Variants in ITPR1 observed in about 807,000 individuals in gnomAD.
ITPR1 encodes inositol 1,4,5-trisphosphate-gated calcium channel ITPR1.
A neutral mutation model predicts 318.4 loss-of-function variants in ITPR1; 96 were observed. The ratio of observed to expected loss-of-function variants is 0.30; its 90% CI spans 0.26 to 0.36. ITPR1 has a LOEUF of 0.36. Among genes scored for constraint, ITPR1 ranks in the 10% least tolerant of loss-of-function variants. The pLI, the probability that ITPR1 is intolerant of heterozygous loss-of-function variation, is 1.00. For synonymous variants in ITPR1, 1,312 were observed against 1,289.9 expected, an observed-to-expected ratio of 1.02 and a Z score of -0.37; for missense variants, 2,440 against 3,460.2, an observed-to-expected ratio of 0.71 and a Z score of 7.40.
At chr3:4,564,826 T>A (rs1422479012) in intron 4 of ITPR1, among the ~76,000 whole-genome samples, 1 of 152,120 alleles carries the variant, frequency 6.6e-6, no homozygotes, top group Non-Finnish European at 1.5e-5. Context: ...CGACTGAGGG[T>A]TAGGACTTCA....
chr3:4,625,595 CG>C (rs2092797699), intron 4 of ITPR1, among the ~76,000 whole-genome samples: 1 of 150,310 alleles, frequency 6.7e-6, no homozygotes, highest in Non-Finnish European at 1.5e-5. Context: ...CTGGCTCTGT[CG>C]CCCAGGCTGG....
intron 5 of ITPR1, among the ~76,000 whole-genome samples, chr3:4,633,527 A>T (rs983366469): frequency 6.6e-6 from 1 of 152,216 alleles, no homozygotes; most frequent in African/African-American, 2.4e-5. Context: ...AGACCACTTG[A>T]CTTCCTTTTG....
intron 4 of ITPR1, among the ~76,000 whole-genome samples, chr3:4,626,145 C>G (rs2092819910): frequency 6.6e-6 from 1 of 151,592 alleles, no homozygotes; most frequent in Non-Finnish European, 1.5e-5. Context: ...AAGTCCCTAT[C>G]TCTTTAAAAA....
intron 4 of ITPR1, among the ~76,000 whole-genome samples, chr3:4,594,232 A>G (rs1051922554): frequency 8.5e-5 from 13 of 152,314 alleles, no homozygotes; most frequent in African/African-American, 3.1e-4. Flanking sequence ...TCAGGATAAT[A>G]GGAGGCATGA....
Position 4,779,595 on chromosome 3 carries a change from G to T in ITPR1, c.6337G>T (p.Asp2113Tyr). The T allele has an allele frequency of 6.2e-7, 1 of 1,612,674 alleles. No individual in the cohort carries two copies. The highest frequency in any genetic ancestry group is 1.1e-5 in the South Asian group (1 of 91,032). The change falls in exon 49 of 62, where the codon GAC becomes TAC. Residue 2113 changes from aspartate (D) to tyrosine (Y), a missense_variant. Asp to Tyr is a radical substitution (Grantham distance 160). Transcript: ENST00000649015. The surrounding 1 kb of genome is among the most constrained non-coding windows in gnomAD (Gnocchi z 4.0). ...LLLAIMESRH[D>Y]SENAERILYN... ...CCTGGCCATCATGGAAAGCAGGCAC[G>T]ACAGTGAAAACGCAGAGAGGATACT...
At chr3:4,686,682 C>G (rs1035737697) in intron 30 of ITPR1, among the ~76,000 whole-genome samples, 2 of 152,190 alleles carry the variant, frequency 1.3e-5, no homozygotes, top group African/African-American at 4.8e-5. Flanking sequence ...CACAGACTTC[C>G]AAAGAACGGT....
intron 4 of ITPR1, among the ~76,000 whole-genome samples, chr3:4,537,864 T>G (rs2084029646): frequency 6.6e-6 from 1 of 152,260 alleles, no homozygotes; most frequent in Non-Finnish European, 1.5e-5. Flanking sequence ...ATAGCATTGG[T>G]AAGAATACAG....
At chr3:4,597,992 G>C (rs1559510121) in intron 4 of ITPR1, among the ~76,000 whole-genome samples, 1 of 152,222 alleles carries the variant, frequency 6.6e-6, no homozygotes, top group Admixed American at 6.5e-5. Flanking sequence ...CCATCCTTCA[G>C]CTTTCCTGCG....
rs1178310675 is a variant in ITPR1 at position 4,779,781 on chromosome 3, G to A, written c.6387+136G>A. 1 of 541,506 alleles carries A rather than the reference G, an allele frequency of 1.8e-6. No individual in the cohort carries two copies. Among genetic ancestry groups the A allele is most frequent in the Non-Finnish European group, 3.4e-6 (1 of 298,016 alleles). The allele number at this position is 541,506 out of a possible 1,614,324, so 33.5% of individuals were successfully genotyped here. A position where few individuals can be genotyped will look rare whatever the true frequency, so the allele number is the denominator to read the frequency against. On this transcript the variant is annotated intron_variant, in intron 49 of 61. Coordinates refer to ENST00000649015, the MANE Select transcript of ITPR1 (RefSeq NM_001378452.1). This position sits in a 1 kb window ranked among gnomAD's most constrained non-coding sequence, Gnocchi z 4.0. ...AGTATAAAGGGAACATTGAATTCAG[G>A]CCTCTGACTGAGTAGAGAAGTGAAA...
intron 44 of ITPR1, among the ~76,000 whole-genome samples, chr3:4,736,527 C>T (rs1252822612): frequency 2.6e-5 from 4 of 152,370 alleles, no homozygotes; most frequent in African/African-American, 9.6e-5. Context: ...CCGCTTCCCC[C>T]AACGTACACT....
chr3:4,832,621 C>T (rs1339010066), intron 60 of ITPR1, among the ~76,000 whole-genome samples: 3 of 152,078 alleles, frequency 2.0e-5, no homozygotes, highest in Admixed American at 2.0e-4. Flanking sequence ...GGTGACACAC[C>T]AAGACTCCGT....
At chr3:4,744,066 C>T (rs1374120671) in intron 44 of ITPR1, among the ~76,000 whole-genome samples, 5 of 152,122 alleles carry the variant, frequency 3.3e-5, no homozygotes, top group Admixed American at 1.3e-4. Context: ...GAGCTCCAGA[C>T]GTCAAGTGAT....
chr3:4,547,431 G>A (rs2085129735), intron 4 of ITPR1, among the ~76,000 whole-genome samples: 1 of 152,078 alleles, frequency 6.6e-6, no homozygotes, highest in Admixed American at 6.5e-5. Context: ...ACTGCTCCTG[G>A]GCCTCCTACT....
At chr3:4,821,907 C>A (rs2049746049) in intron 60 of ITPR1, among the ~76,000 whole-genome samples, 2 of 152,186 alleles carry the variant, frequency 1.3e-5, no homozygotes, top group African/African-American at 4.8e-5. Flanking sequence ...CATAATAGAT[C>A]ATATATTTCC....
At chr3:4,567,115 T>C (rs1575557133) in intron 4 of ITPR1, among the ~76,000 whole-genome samples, 1 of 152,314 alleles carries the variant, frequency 6.6e-6, no homozygotes, top group East Asian at 1.9e-4. Flanking sequence ...GTTGTGAGAG[T>C]TAAACAAGTT....
chr3:4,811,597 A>G (rs1559938348), intron 56 of ITPR1, 137 bp downstream of exon 56: 4 of 657,706 alleles, frequency 6.1e-6, no homozygotes, highest in Non-Finnish European at 1.0e-5. Context: ...GTGAATTTCA[A>G]ATACAGGTCT....
chr3:4,589,957 C>T (rs1213143334), intron 4 of ITPR1, among the ~76,000 whole-genome samples: 2 of 152,122 alleles, frequency 1.3e-5, no homozygotes, highest in African/African-American at 2.4e-5. Flanking sequence ...ATACTGGCTG[C>T]TTTCCTGTTC....
intron 40 of ITPR1, among the ~76,000 whole-genome samples, chr3:4,721,997 A>G (rs779706926): frequency 2.0e-5 from 3 of 152,220 alleles, no homozygotes; most frequent in Admixed American, 1.3e-4. Context: ...TGCTGGGTAC[A>G]TTATGTGTTG....
At chr3:4,511,488 C>G (rs549191583) in intron 2 of ITPR1, among the ~76,000 whole-genome samples, 126 of 152,210 alleles carry the variant, frequency 8.3e-4, no homozygotes, top group Non-Finnish European at 1.6e-3. Flanking sequence ...CCTGTTTTAA[C>G]AGGTGCTTGC....
Sources: gnomAD v4.1 joint callset for allele counts (sites outside exome capture counted in the v4.1 genomes callset) on GRCh38, gnomAD v4.1.1 for gene constraint, Gnocchi (gnomAD v3.1) non-coding constraint, MANE v1.5 for transcripts, NCBI Gene and HGNC (gene_info 2026-07-23, HGNC 2026-07-21) for gene names.